Variants in DOCK3 observed in about 807,000 individuals in gnomAD.
DOCK3 encodes dedicator of cytokinesis 3, also known as dedicator of cytokinesis protein 3.
A neutral mutation model predicts 265.6 loss-of-function variants in DOCK3; 60 were observed. That is an observed-to-expected ratio of 0.23 (90% CI 0.18 to 0.28). DOCK3 has a LOEUF of 0.28. Ranked by LOEUF, DOCK3 falls within the 10% of genes least tolerant of loss-of-function variation. DOCK3 has a pLI of 1.00. For synonymous variants in DOCK3, 881 were observed against 938.0 expected (o/e 0.94, Z 1.11); for missense variants, 1,981 against 2,594.3 (o/e 0.76, Z 5.14).
chr3:51,367,436 C>G (rs1315570841), intron 49 of DOCK3, among the ~76,000 whole-genome samples: 1 of 152,164 alleles, frequency 6.6e-6, no homozygotes, highest in East Asian at 1.9e-4. Flanking sequence ...GGTCTTGACT[C>G]TTTATCCAAT....
At position 51,095,277 on chromosome 3, in the gene DOCK3, T is replaced by A. The variant is rs532242167; in HGVS notation, c.746+4893T>A. 8.5e-5 allele frequency among the ~76,000 whole-genome samples: 13 copies of A among 152,360 alleles called. 1 individual carries two copies. In the South Asian group the frequency reaches 2.5e-3, roughly 29 times the overall value. On this transcript the variant is annotated intron_variant, in intron 9 of 52. Transcript: ENST00000266037. ...TGTGGATGGTCTTTACAATTTGGTA[T>A]GTTTTTGCAGTGGCTGATACTGGTT...
chr3:51,296,718 C>T lies in DOCK3; in HGVS notation c.2923-13514C>T, dbSNP rs183927903. The stretch of plus-strand genomic sequence containing the variant: ...GTCTCGATCTCCTGACCTTGTGATC[C>T]GCCCGCCTTGGCCTCCCAAAGTAAA... On this transcript the variant is annotated intron_variant, in intron 27 of 52. Coordinates refer to ENST00000266037, the MANE Select transcript of DOCK3 (RefSeq NM_004947.5). 1.2e-4 allele frequency among the ~76,000 whole-genome samples: 19 copies of T among 152,052 alleles called. 1 individual carries two copies. In the South Asian group the frequency reaches 3.3e-3, roughly 27 times the overall value.
intron 5 of DOCK3, among the ~76,000 whole-genome samples, chr3:51,053,076 A>G (rs7434003): frequency 0.036 from 1,239 of 34,406 alleles, 11 homozygotes; most frequent in Non-Finnish European, 0.052. Flanking sequence ...AAAAAAGTCA[A>G]AGATATATAT....
intron 9 of DOCK3, among the ~76,000 whole-genome samples, chr3:51,129,462 T>C (rs929787816): frequency 1.3e-5 from 2 of 152,184 alleles, no homozygotes; most frequent in Admixed American, 6.5e-5. Context: ...CATTTCCTCA[T>C]GTAACTTATT....
chr3:51,240,631 A>C (rs959775765), intron 21 of DOCK3, among the ~76,000 whole-genome samples: 4 of 152,176 alleles, frequency 2.6e-5, no homozygotes, highest in African/African-American at 9.7e-5. Context: ...TTGGGTGCAT[A>C]TATACTTAAG....
intron 23 of DOCK3, among the ~76,000 whole-genome samples, chr3:51,262,850 C>T (rs535560510): frequency 2.6e-5 from 4 of 151,790 alleles, no homozygotes; most frequent in South Asian, 2.1e-4. Flanking sequence ...TGAAATAAGT[C>T]GTGAAGACAA....
chr3:51,106,915 G>A (rs1322575925), intron 9 of DOCK3, among the ~76,000 whole-genome samples: 3 of 152,170 alleles, frequency 2.0e-5, no homozygotes, highest in South Asian at 2.1e-4. Context: ...ACAAGATCCC[G>A]CTGCCACCAC....
intron 22 of DOCK3, among the ~76,000 whole-genome samples, chr3:51,249,063 C>T (rs1248153022): frequency 3.3e-5 from 5 of 150,942 alleles, no homozygotes; most frequent in African/African-American, 7.3e-5. Flanking sequence ...AAGTGAGGAG[C>T]GTCTCCGCCC....
chr3:50,705,666 C>T (rs1367376764), intron 1 of DOCK3, among the ~76,000 whole-genome samples: 3 of 151,998 alleles, frequency 2.0e-5, no homozygotes, highest in African/African-American at 7.2e-5. Context: ...CTGCCTACCT[C>T]AGCCTCCCAA....
chr3:50,799,834 G>T (rs996331775), intron 2 of DOCK3, among the ~76,000 whole-genome samples: 1 of 152,022 alleles, frequency 6.6e-6, no homozygotes, highest in Non-Finnish European at 1.5e-5. Context: ...CTAGCTGTGG[G>T]TTTGTTATAT....
At chr3:50,901,636 C>T (rs13097480) in intron 4 of DOCK3, 45,224 of 453,432 alleles carry the variant, frequency 0.1, 2,622 homozygotes, top group Non-Finnish European at 0.12. Context: ...GTGTGGATTG[C>T]GAGGACCATG....
intron 38 of DOCK3, among the ~76,000 whole-genome samples, chr3:51,345,244 T>TG (rs971526646): frequency 6.6e-6 from 1 of 152,082 alleles, no homozygotes; most frequent in Non-Finnish European, 1.5e-5. Flanking sequence ...GCTGTGATAA[T>TG]GGGGGTACAA....
At chr3:51,269,211 A>AAT (rs753419017) in intron 23 of DOCK3, among the ~76,000 whole-genome samples, 1 of 148,330 alleles carries the variant, frequency 6.7e-6, no homozygotes. Flanking sequence ...ATATATACAT[A>AAT]ATATATATAT....
chr3:51,089,832 T>C (rs2082569033), intron 8 of DOCK3, among the ~76,000 whole-genome samples: 1 of 131,708 alleles, frequency 7.6e-6, no homozygotes, highest in African/African-American at 3.0e-5. Context: ...AACCCGGGAG[T>C]AGAGTGCAGT....
intron 2 of DOCK3, among the ~76,000 whole-genome samples, chr3:50,833,841 C>T (rs2045341443): frequency 6.6e-6 from 1 of 152,072 alleles, no homozygotes; most frequent in Admixed American, 6.6e-5. Context: ...ACTATATTGC[C>T]ATAAATTAAG....
intron 2 of DOCK3, among the ~76,000 whole-genome samples, chr3:50,824,244 A>G (rs548820369): frequency 6.6e-6 from 1 of 152,334 alleles, no homozygotes; most frequent in Admixed American, 6.5e-5. Flanking sequence ...TGAGCAATAG[A>G]GGTAACTTTT....
intron 5 of DOCK3, among the ~76,000 whole-genome samples, chr3:51,026,152 T>A (rs1024720477): frequency 2.9e-4 from 44 of 152,042 alleles, no homozygotes; most frequent in African/African-American, 1.0e-3. Flanking sequence ...TTGAAAAAAA[T>A]AAAAAATGAA....
intron 5 of DOCK3, among the ~76,000 whole-genome samples, chr3:51,054,222 A>G (rs980255050): frequency 2.0e-5 from 3 of 150,444 alleles, no homozygotes; most frequent in Admixed American, 6.6e-5. Context: ...CCTTTGATTG[A>G]TAGCTTGGCT....
intron 10 of DOCK3, among the ~76,000 whole-genome samples, chr3:51,152,881 GA>G (rs1363059999): frequency 2.6e-5 from 4 of 152,188 alleles, no homozygotes; most frequent in Non-Finnish European, 5.9e-5. Context: ...CTTCATCTCA[GA>G]GGGGCACCCA....
Sources: gnomAD v4.1 joint callset for allele counts (sites outside exome capture counted in the v4.1 genomes callset) on GRCh38, gnomAD v4.1.1 for gene constraint, MANE v1.5 for transcripts, NCBI Gene and HGNC (gene_info 2026-07-23, HGNC 2026-07-21) for gene names.